The following SHISA6 variants were observed in gnomAD, a reference collection of about 807,000 sequenced individuals.
SHISA6 encodes the protein shisa family member 6.
In SHISA6, 22 loss-of-function variants were observed where a neutral mutation model predicts 47.9. The observed-to-expected ratio is 0.46, with a 90% CI of 0.33 to 0.66. SHISA6 has a LOEUF of 0.66. Ranked by LOEUF, SHISA6 falls within the 30% of genes least tolerant of loss-of-function variation. The pLI is 0.02. For missense variants in SHISA6, 680 were observed against 764.6 expected (o/e 0.89, Z 1.30); for synonymous variants, 388 against 337.8 (o/e 1.15, Z -1.63).
At chr17:11,437,765 C>T (rs942604672) in intron 3 of SHISA6, among the ~76,000 whole-genome samples, 1 of 152,170 alleles carries the variant, frequency 6.6e-6, no homozygotes, top group Admixed American at 6.5e-5. Context: ...TATTCCATTG[C>T]ATGTGTCCCA....
At chr17:11,350,182 A>ATTTATTTTTTT (rs964679787) in intron 2 of SHISA6, among the ~76,000 whole-genome samples, 11 of 116,268 alleles carry the variant, frequency 9.5e-5, no homozygotes, top group East Asian at 2.7e-4. Context: ...TTATTTATTT[A>ATTTATTTTTTT]TTTTTTTTTT....
intron 2 of SHISA6, among the ~76,000 whole-genome samples, chr17:11,320,345 G>A (rs1439943363): frequency 6.6e-6 from 1 of 152,074 alleles, no homozygotes; most frequent in Non-Finnish European, 1.5e-5. Flanking sequence ...TTGTGCATGG[G>A]GGGTGGGGCT....
chr17:11,328,360 A>G (rs371661621), intron 2 of SHISA6, among the ~76,000 whole-genome samples: 1 of 152,330 alleles, frequency 6.6e-6, no homozygotes, highest in South Asian at 2.1e-4. Flanking sequence ...ATTCGGAGCC[A>G]CAGCTCTGGG....
At chr17:11,373,154 G>C (rs1171366572) in intron 2 of SHISA6, among the ~76,000 whole-genome samples, 1 of 150,448 alleles carries the variant, frequency 6.6e-6, no homozygotes, top group Admixed American at 6.7e-5. Context: ...AAATTCTAGA[G>C]TTTTTTTTTC....
intron 2 of SHISA6, among the ~76,000 whole-genome samples, chr17:11,294,368 C>T (rs763027032): frequency 3.9e-5 from 6 of 152,176 alleles, no homozygotes; most frequent in Admixed American, 6.5e-5. Flanking sequence ...AGGCTCTAGA[C>T]ATGTCCCTAA....
At chr17:11,465,174 A>T (rs1297616841) in intron 3 of SHISA6, among the ~76,000 whole-genome samples, 1 of 152,182 alleles carries the variant, frequency 6.6e-6, no homozygotes, top group African/African-American at 2.4e-5. Flanking sequence ...CTCAACGTGC[A>T]GTGTCCTTTC....
chr17:11,268,384 T>G (rs987626270), intron 2 of SHISA6, among the ~76,000 whole-genome samples: 1 of 151,924 alleles, frequency 6.6e-6, no homozygotes, highest in Non-Finnish European at 1.5e-5. Context: ...CCCCCACGCC[T>G]CTCTGACCTC....
chr17:11,381,932 T>C (rs113971580), intron 3 of SHISA6, among the ~76,000 whole-genome samples: 1,879 of 152,320 alleles, frequency 0.012, 42 homozygotes, highest in African/African-American at 0.043. Context: ...TTCTGACACC[T>C]TCTCTTTCCA....
chr17:11,503,765 T>C (rs929225015), intron 3 of SHISA6, among the ~76,000 whole-genome samples: 1 of 152,250 alleles, frequency 6.6e-6, no homozygotes, highest in African/African-American at 2.4e-5. Context: ...CTGCTGTCTG[T>C]ATCCTATGCT....
At chr17:11,444,174 C>T (rs1915169646) in intron 3 of SHISA6, among the ~76,000 whole-genome samples, 1 of 152,144 alleles carries the variant, frequency 6.6e-6, no homozygotes, top group African/African-American at 2.4e-5. Flanking sequence ...CAAAAATTAG[C>T]TAGGCGTGGT....
intron 3 of SHISA6, among the ~76,000 whole-genome samples, chr17:11,512,538 A>T (rs2071549830): frequency 6.6e-6 from 1 of 152,074 alleles, no homozygotes; most frequent in South Asian, 2.1e-4. Context: ...TTCAAATTGA[A>T]TTTTTTTTAA....
chr17:11,372,077 T>C (rs1406268444), intron 2 of SHISA6, among the ~76,000 whole-genome samples: 2 of 152,326 alleles, frequency 1.3e-5, no homozygotes, highest in African/African-American at 4.8e-5. Context: ...TTTTTGTTGT[T>C]GTTTTTTCAA....
intron 3 of SHISA6, among the ~76,000 whole-genome samples, chr17:11,537,326 A>T (rs1238029986): frequency 6.6e-6 from 1 of 152,086 alleles, no homozygotes; most frequent in African/African-American, 2.4e-5. Flanking sequence ...TCATAATGTC[A>T]TCAGCAACCA....
At chr17:11,352,767 A>C (rs1006683355) in intron 2 of SHISA6, among the ~76,000 whole-genome samples, 2 of 152,204 alleles carry the variant, frequency 1.3e-5, no homozygotes, top group South Asian at 4.1e-4. Flanking sequence ...TAGGTCAAAC[A>C]GTGGTTCCTA....
intron 2 of SHISA6, among the ~76,000 whole-genome samples, chr17:11,365,942 G>A (rs1353746578): frequency 6.6e-6 from 1 of 152,168 alleles, no homozygotes; most frequent in African/African-American, 2.4e-5. Context: ...TGATTAACAA[G>A]AATCTAGGTT....
At position 11,241,697 on chromosome 17, in the gene SHISA6, A is replaced by G. The variant is rs1457251366; in HGVS notation, c.275A>G (p.Glu92Gly). 6.5e-7 allele frequency: 1 copy of G among 1,533,992 alleles called. No individual in the cohort carries two copies. Among genetic ancestry groups the G allele is most frequent in the Admixed American group, 2.0e-5 (1 of 50,762 alleles). ...AAAASAAVTY[E>G]TCWGYYDVSG... Reference sequence around the variant, plus strand: ...GCGGCCAGCGCGGCCGTCACCTACGAGACGTGCTGGGGCTACTACGACGTG... The same window carrying G: ...GCGGCCAGCGCGGCCGTCACCTACGGGACGTGCTGGGGCTACTACGACGTG... The change falls in exon 1 of 6, where the codon GAG (glutamate) becomes GGG (glycine). Residue 92 changes from glutamate to glycine, a missense_variant. Glu to Gly is a moderately conservative substitution (Grantham distance 98). Transcript: ENST00000441885. This position sits in a 1 kb window ranked among gnomAD's most constrained non-coding sequence, Gnocchi z 5.5.
At chr17:11,505,023 A>G (rs777850319) in intron 3 of SHISA6, among the ~76,000 whole-genome samples, 2 of 152,218 alleles carry the variant, frequency 1.3e-5, no homozygotes, top group Non-Finnish European at 2.9e-5. Flanking sequence ...GAACTTCCAC[A>G]TCTCTTCTTT....
intron 3 of SHISA6, among the ~76,000 whole-genome samples, chr17:11,534,302 C>A (rs957976237): frequency 1.3e-5 from 2 of 151,900 alleles, no homozygotes; most frequent in African/African-American, 2.4e-5. Context: ...GTCACTGCGC[C>A]CGGCCTATTC....
rs1278486863 is a variant in SHISA6, at chr17:11,429,233, C to T, written c.895+49724C>T. ...TGCCACATGGGCCCCTCCAACATGG[C>T]AGCTGCATCGTCAGAGTGGTCAAGA... On this transcript the variant is annotated intron_variant, in intron 3 of 5. Transcript: ENST00000441885. Among the ~76,000 whole-genome samples, 4 of 152,136 alleles carry T rather than the reference C, an allele frequency of 2.6e-5. No homozygotes were observed. In the East Asian group the frequency reaches 7.7e-4, roughly 29 times the overall value.
Sources: allele counts gnomAD v4.1 joint callset (sites outside exome capture counted in the v4.1 genomes callset), GRCh38; gene constraint gnomAD v4.1.1; non-coding constraint Gnocchi (gnomAD v3.1); transcripts MANE v1.5; gene names NCBI Gene and HGNC (gene_info 2026-07-23, HGNC 2026-07-21).